MFHAS1: variants seen among roughly 807,000 people sequenced by gnomAD.
MFHAS1 encodes malignant fibrous histiocytoma-amplified sequence 1.
A neutral mutation model predicts 70.4 loss-of-function variants in MFHAS1; 50 were observed. The ratio of observed to expected loss-of-function variants is 0.71; its 90% CI spans 0.57 to 0.90. MFHAS1 has a LOEUF of 0.90. MFHAS1 is among the 40% of genes least tolerant of loss of function. The probability of loss-of-function intolerance (pLI) is 0.00; values close to 1 mark genes in which losing one functional copy is unlikely to be tolerated. For missense variants in MFHAS1, 1,795 were observed against 1,347.6 expected (o/e 1.33, Z -5.20); for synonymous variants, 952 against 620.0 (o/e 1.54, Z -7.96).
intron 1 of MFHAS1, among the ~76,000 whole-genome samples, chr8:8,843,141 C>T (rs988522013): frequency 2.6e-4 from 40 of 151,878 alleles, no homozygotes; most frequent in African/African-American, 9.4e-4. Flanking sequence ...CGGTGGCGGG[C>T]GCCTGTAGTC....
At chr8:8,797,579 G>A (rs1805952009) in intron 1 of MFHAS1, 88 bp from the exon 2 acceptor site, 6 of 1,439,240 alleles carry the variant, frequency 4.2e-6, no homozygotes, top group Middle Eastern at 1.8e-4. Flanking sequence ...GGGGATGGGG[G>A]CAGGGGGAGA....
At chr8:8,868,130 G>C (rs1387933165) in intron 1 of MFHAS1, among the ~76,000 whole-genome samples, 2 of 151,936 alleles carry the variant, frequency 1.3e-5, no homozygotes, top group Non-Finnish European at 2.9e-5. Flanking sequence ...CAACGCACAG[G>C]CTCTGAGGGG....
At position 8,863,670 on chromosome 8, in the gene MFHAS1, C is replaced by G. The variant is rs1223599633; in HGVS notation, c.2998+26391G>C. On this transcript the variant is annotated intron_variant, in intron 1 of 2. Transcript: ENST00000276282. ...TGGACTTCCTCAGAGAATCATTTCC[C>G]TAACATACTGGTCCTTAACCCAGAC... Among the ~76,000 whole-genome samples the G allele has an allele frequency of 3.3e-5, 5 of 152,204 alleles. No individual in the cohort carries two copies. In the East Asian group the frequency reaches 9.6e-4, roughly 29 times the overall value.
chr8:8,887,862 A>C (rs1411094901), intron 1 of MFHAS1, among the ~76,000 whole-genome samples: 38 of 149,058 alleles, frequency 2.5e-4, no homozygotes, highest in African/African-American at 7.1e-4. Flanking sequence ...AAAAAAACAA[A>C]AAAAAAAAAA....
rs982774459 is a variant in MFHAS1 at position 8,831,711 on chromosome 8, C to T, written c.2999-34220G>A. Among the ~76,000 whole-genome samples the T allele has an allele frequency of 2.6e-5, 4 of 151,794 alleles. No homozygotes were observed. In the South Asian group the frequency reaches 6.2e-4, roughly 24 times the overall value. ...GCAACCTCCGCCTCCCAGGTTCAAGCGATTCTTGTGCCTCAGCCTCCTGAG... is the reference window on the plus strand; with the variant it reads ...GCAACCTCCGCCTCCCAGGTTCAAGTGATTCTTGTGCCTCAGCCTCCTGAG... On this transcript the variant is annotated intron_variant, in intron 1 of 2. Coordinates refer to ENST00000276282, the MANE Select transcript of MFHAS1 (RefSeq NM_004225.3).
chr8:8,830,086 G>A (rs575991494), intron 1 of MFHAS1, among the ~76,000 whole-genome samples: 13 of 152,216 alleles, frequency 8.5e-5, no homozygotes, highest in African/African-American at 2.6e-4. Context: ...TGAAATGCCC[G>A]GGACTAGATG....
intron 1 of MFHAS1, among the ~76,000 whole-genome samples, chr8:8,868,779 C>T (rs560456256): frequency 1.1e-4 from 16 of 152,198 alleles, no homozygotes; most frequent in Admixed American, 2.6e-4. Context: ...AACCTTACAA[C>T]TGGCTTCCAC....
Position 8,832,054 on chromosome 8 carries a change from G to GCACACACACACA in MFHAS1, c.2999-34564_2999-34563insTGTGTGTGTGTG, listed in dbSNP as rs370279756. On this transcript the variant is annotated intron_variant, in intron 1 of 2. Coordinates refer to ENST00000276282, the MANE Select transcript of MFHAS1 (RefSeq NM_004225.3). ...TACTTCAAGGCGCACATGCACGCGC[G>GCACACACACACA]CGCGCGCGCACACACACACACACAC... Among the ~76,000 whole-genome samples, 221 of 112,660 alleles carry GCACACACACACA rather than the reference G, an allele frequency of 2.0e-3. 1 individual carries two copies. Among genetic ancestry groups the GCACACACACACA allele is most frequent in the Non-Finnish European group, 2.6e-3 (135 of 52,080 alleles). 73.9% of individuals were successfully genotyped at this position (112,660 alleles called of 152,430 possible).
chr8:8,891,415 C>T lies in MFHAS1; in HGVS notation c.1644G>A (p.Glu548=). ...HADLCGEREL[E]EKCLDIHRQI... Reference sequence around the variant, plus strand: ...GGCGGTGAATGTCCAGACATTTCTCCTCCAGCTCACGCTCTCCGCACAGGT... The same window carrying T: ...GGCGGTGAATGTCCAGACATTTCTCTTCCAGCTCACGCTCTCCGCACAGGT... Residue 548 remains glutamate, a synonymous_variant, in exon 1 of 3, where the codon GAG becomes GAA. Transcript: ENST00000276282. The surrounding 1 kb of genome is among the most constrained non-coding windows in gnomAD (Gnocchi z 5.4). 2 of 1,612,738 alleles carry T rather than the reference C, an allele frequency of 1.2e-6. No homozygotes were observed. The highest frequency in any genetic ancestry group is 1.7e-6 in the Non-Finnish European group (2 of 1,180,034).
intron 1 of MFHAS1, among the ~76,000 whole-genome samples, chr8:8,848,763 T>C (rs1808126945): frequency 1.3e-5 from 2 of 152,204 alleles, no homozygotes; most frequent in South Asian, 4.1e-4. Context: ...CAGACTGCTA[T>C]GGCAAGCAGT....
intron 1 of MFHAS1, among the ~76,000 whole-genome samples, chr8:8,814,264 T>C (rs1409206909): frequency 1.3e-5 from 2 of 152,184 alleles, no homozygotes; most frequent in Non-Finnish European, 2.9e-5. Context: ...ATACTGTATT[T>C]TGATTGTACC....
intron 1 of MFHAS1, among the ~76,000 whole-genome samples, chr8:8,845,507 T>A (rs1807999673): frequency 2.6e-5 from 4 of 152,172 alleles, no homozygotes; most frequent in Admixed American, 1.3e-4. Context: ...AGGTTCTCAA[T>A]GAGACACTTA....
Position 8,814,855 on chromosome 8 carries a change from T to G in MFHAS1, c.2999-17364A>C, listed in dbSNP as rs1806680580. Among the ~76,000 whole-genome samples the G allele has an allele frequency of 2.0e-5, 3 of 151,488 alleles. No homozygotes were observed. In the South Asian group the frequency reaches 6.3e-4, roughly 32 times the overall value. On this transcript the variant is annotated intron_variant, in intron 1 of 2. Transcript: ENST00000276282. ...TTCATGCCTGCTAGAATTTCTTTTT[T>G]TTTTTTTTTTTTCTTATTTTAGGTT...
chr8:8,802,998 C>T (rs1369830122), intron 1 of MFHAS1, among the ~76,000 whole-genome samples: 1 of 152,190 alleles, frequency 6.6e-6, no homozygotes, highest in African/African-American at 2.4e-5. Context: ...TAGCCACTAA[C>T]AAGTCAGCTG....
chr8:8,892,998 G>C lies in MFHAS1; in HGVS notation c.61C>G (p.Arg21Gly), dbSNP rs1483555450. Residue 21 changes from arginine (R) to glycine (G), a missense_variant, in exon 1 of 3, where the codon CGT becomes GGT. Coordinates refer to ENST00000276282, the MANE Select transcript of MFHAS1 (RefSeq NM_004225.3). The surrounding 1 kb of genome is among the most constrained non-coding windows in gnomAD (Gnocchi z 4.7). ...TARLWRDAAL[R>G]ARKLRSNLRQ... Reference sequence around the variant, plus strand: ...AGGTTGCTCCGCAGCTTCCTGGCACGCAGGGCGGCGTCCCGCCACAGCCTC... The same window carrying C: ...AGGTTGCTCCGCAGCTTCCTGGCACCCAGGGCGGCGTCCCGCCACAGCCTC... The C allele has an allele frequency of 2.0e-6, 3 of 1,536,584 alleles. No individual in the cohort carries two copies. The South Asian group carries it at 3.6e-5, about 18-fold the overall frequency.
chr8:8,830,663 T>G (rs1402508142), intron 1 of MFHAS1, among the ~76,000 whole-genome samples: 6 of 152,200 alleles, frequency 3.9e-5, no homozygotes, highest in Admixed American at 3.9e-4. Flanking sequence ...AGTGCAGTGG[T>G]GTGATCTTGG....
intron 2 of MFHAS1, among the ~76,000 whole-genome samples, chr8:8,791,685 G>A (rs535307090): frequency 5.9e-5 from 9 of 152,234 alleles, no homozygotes; most frequent in Non-Finnish European, 1.0e-4. Flanking sequence ...AAGATAATGC[G>A]GTCTACTTGC....
At chr8:8,840,493 T>C (rs963393808) in intron 1 of MFHAS1, among the ~76,000 whole-genome samples, 1 of 151,006 alleles carries the variant, frequency 6.6e-6, no homozygotes, top group Non-Finnish European at 1.5e-5. Context: ...GAATGGTTCA[T>C]TACCATCTGG....
chr8:8,829,889 G>A (rs1446880820), intron 1 of MFHAS1, among the ~76,000 whole-genome samples: 2 of 152,180 alleles, frequency 1.3e-5, no homozygotes, highest in Non-Finnish European at 2.9e-5. Flanking sequence ...ACGTTCAGAG[G>A]TGCCCAGAGG....
Sources: gnomAD v4.1 joint callset for allele counts (sites outside exome capture counted in the v4.1 genomes callset) on GRCh38, gnomAD v4.1.1 for gene constraint, Gnocchi (gnomAD v3.1) non-coding constraint, MANE v1.5 for transcripts, NCBI Gene and HGNC (gene_info 2026-07-23, HGNC 2026-07-21) for gene names.